KDM4C: variants seen among roughly 807,000 people sequenced by gnomAD.
KDM4C encodes lysine demethylase 4C.
In KDM4C, 81 loss-of-function variants were observed where a neutral mutation model predicts 129.3. The observed-to-expected ratio is 0.63, with a 90% CI of 0.52 to 0.75. KDM4C has a LOEUF of 0.75. Ranked by LOEUF, KDM4C falls within the 30% of genes least tolerant of loss-of-function variation. KDM4C has a pLI of 0.00. For missense variants in KDM4C, 1,457 were observed against 1,304.0 expected (o/e 1.12, Z -1.81); for synonymous variants, 573 against 456.1 (o/e 1.26, Z -3.26).
chr9:6,901,922 G>A (rs749862810), intron 8 of KDM4C, among the ~76,000 whole-genome samples: 76 of 152,192 alleles, frequency 5.0e-4, no homozygotes, highest in Non-Finnish European at 2.9e-4. Flanking sequence ...AACATTATAA[G>A]TATGGACCCC....
At chr9:7,051,602 G>T (rs1482767473) in intron 17 of KDM4C, among the ~76,000 whole-genome samples, 1 of 152,090 alleles carries the variant, frequency 6.6e-6, no homozygotes, top group African/African-American at 2.4e-5. Flanking sequence ...TTTCATCCAG[G>T]CAAAAGTAAG....
chr9:6,992,140 C>T (rs574193461), intron 12 of KDM4C, among the ~76,000 whole-genome samples: 1 of 151,968 alleles, frequency 6.6e-6, no homozygotes, highest in Non-Finnish European at 1.5e-5. Context: ...TTGTAATTTC[C>T]CTTTCCCATG....
intron 20 of KDM4C, among the ~76,000 whole-genome samples, chr9:7,165,731 T>C (rs1486453403): frequency 6.6e-6 from 1 of 152,206 alleles, no homozygotes; most frequent in Non-Finnish European, 1.5e-5. Flanking sequence ...CAGCAGCCCC[T>C]GAAGTGGTGG....
intron 18 of KDM4C, among the ~76,000 whole-genome samples, chr9:7,123,837 G>C (rs944202192): frequency 2.0e-5 from 3 of 152,166 alleles, no homozygotes; most frequent in Non-Finnish European, 4.4e-5. Flanking sequence ...GTGAGGTGAA[G>C]GGTGGGTGCC....
intron 17 of KDM4C, among the ~76,000 whole-genome samples, chr9:7,085,739 A>G (rs1482616654): frequency 2.0e-5 from 3 of 152,308 alleles, no homozygotes; most frequent in African/African-American, 7.2e-5. Flanking sequence ...CTGAGCATTT[A>G]TAGAAAACGG....
chr9:7,055,602 A>G (rs911264369), intron 17 of KDM4C, among the ~76,000 whole-genome samples: 4 of 152,234 alleles, frequency 2.6e-5, no homozygotes, highest in African/African-American at 9.6e-5. Context: ...TATAGTTTTG[A>G]AAGGTATATC....
chr9:7,044,767 G>C (rs958627077), intron 15 of KDM4C, among the ~76,000 whole-genome samples: 1 of 151,944 alleles, frequency 6.6e-6, no homozygotes, highest in African/African-American at 2.4e-5. Flanking sequence ...ATCGGAATCA[G>C]GGTAGTGGAT....
intron 5 of KDM4C, among the ~76,000 whole-genome samples, chr9:6,871,687 T>G (rs1256416573): frequency 6.6e-6 from 1 of 152,226 alleles, no homozygotes; most frequent in Non-Finnish European, 1.5e-5. Context: ...AAGTACATTC[T>G]TATCCTCAAA....
At chr9:6,772,112 A>C (rs956960658) in intron 1 of KDM4C, among the ~76,000 whole-genome samples, 5 of 152,186 alleles carry the variant, frequency 3.3e-5, no homozygotes, top group African/African-American at 1.2e-4. Flanking sequence ...AAAGTAAATG[A>C]GTTAGGTTTC....
At chr9:6,783,229 C>G (rs995006396) in intron 1 of KDM4C, among the ~76,000 whole-genome samples, 2 of 152,158 alleles carry the variant, frequency 1.3e-5, no homozygotes, top group African/African-American at 4.8e-5. Flanking sequence ...CTTGTTCTTT[C>G]CTGCACTTGT....
Position 7,042,790 on chromosome 9 carries a change from T to C in KDM4C, c.2260-4072T>C, listed in dbSNP as rs554588379. Among the ~76,000 whole-genome samples, 277 of 152,158 alleles carry C rather than the reference T, an allele frequency of 1.8e-3. 2 individuals are homozygous for C. Among genetic ancestry groups the C allele is most frequent in the African/African-American group, 6.4e-3 (266 of 41,548 alleles). On this transcript the variant is annotated intron_variant, in intron 15 of 21. Coordinates refer to ENST00000381309, the MANE Select transcript of KDM4C (RefSeq NM_015061.6). ...ATGTTAGAGAAAAGGTGCATGGACA[T>C]TTGGATTAGGCAGACATAAGTTTGA...
intron 19 of KDM4C, among the ~76,000 whole-genome samples, chr9:7,143,672 A>C (rs1841969160): frequency 6.6e-6 from 1 of 152,238 alleles, no homozygotes; most frequent in African/African-American, 2.4e-5. Flanking sequence ...TTAATTTCAC[A>C]TTAAGAATAT....
chr9:7,170,531 T>C (rs1182853351), intron 21 of KDM4C: 3 of 967,860 alleles, frequency 3.1e-6, no homozygotes, highest in Admixed American at 6.2e-5. Flanking sequence ...ACTGCAGTCA[T>C]TGAAAAATAT....
In KDM4C at chr9:6,993,751, G is replaced by A. The variant is rs1470335176; in HGVS notation, c.1786+3227G>A. Reference sequence around the variant, plus strand: ...AAGGGCGGCCAGCTTAGAAATCTGCGGCAGTATTTCTTTCTTTCTTTGTTT... The same window carrying A: ...AAGGGCGGCCAGCTTAGAAATCTGCAGCAGTATTTCTTTCTTTCTTTGTTT... On this transcript the variant is annotated intron_variant, in intron 12 of 21. Coordinates refer to ENST00000381309, the MANE Select transcript of KDM4C (RefSeq NM_015061.6). Among the ~76,000 whole-genome samples the A allele has an allele frequency of 4.6e-5, 7 of 152,138 alleles. No homozygotes were observed. In the East Asian group the frequency reaches 1.2e-3, roughly 25 times the overall value.
rs138063050 is a variant in KDM4C, at chr9:6,735,881, T to C, written c.49+14884T>C. On this transcript the variant is annotated intron_variant, in intron 1 of 17. Transcript: ENST00000536108. ...GAGGGCTCAGAAGAAGACAGGAAAA[T>C]GTGGGAAAGTTTGGCACTCCCTAGA... 9.5e-3 allele frequency among the ~76,000 whole-genome samples: 1,442 copies of C among 152,050 alleles called. 20 individuals are homozygous for C. The highest frequency in any genetic ancestry group is 0.033 in the African/African-American group (1,372 of 41,470).
chr9:6,988,573 G>A (rs1230176271), intron 11 of KDM4C, among the ~76,000 whole-genome samples: 1 of 152,054 alleles, frequency 6.6e-6, no homozygotes, highest in African/African-American at 2.4e-5. Flanking sequence ...GTTTTTTTTA[G>A]TATTCAGTGT....
At chr9:7,158,044 G>T (rs1171485931) in intron 19 of KDM4C, among the ~76,000 whole-genome samples, 2 of 152,132 alleles carry the variant, frequency 1.3e-5, no homozygotes, top group Middle Eastern at 3.2e-3. Context: ...CCTGTTATTG[G>T]TCTATTCAGT....
intron 20 of KDM4C, among the ~76,000 whole-genome samples, chr9:7,166,574 A>G (rs2130442568): frequency 6.6e-6 from 1 of 152,322 alleles, no homozygotes; most frequent in African/African-American, 2.4e-5. Flanking sequence ...TCATTGCATT[A>G]GAATGACCAG....
chr9:7,106,266 A>T (rs997950102), intron 18 of KDM4C, among the ~76,000 whole-genome samples: 1 of 152,204 alleles, frequency 6.6e-6, no homozygotes, highest in Non-Finnish European at 1.5e-5. Flanking sequence ...AAAAGTTCAG[A>T]TTCAATCAAA....
Sources: gnomAD v4.1 joint callset for allele counts (sites outside exome capture counted in the v4.1 genomes callset) on GRCh38, gnomAD v4.1.1 for gene constraint, MANE v1.5 for transcripts, NCBI Gene and HGNC (gene_info 2026-07-23, HGNC 2026-07-21) for gene names.